JCAD: variants seen among roughly 807,000 people sequenced by gnomAD.
The protein encoded by JCAD is junctional cadherin 5 associated, also known as junctional cadherin 5-associated protein.
JCAD carries 40 observed loss-of-function variants against 98.0 expected under a neutral mutation model. That is an observed-to-expected ratio of 0.41 (90% CI 0.32 to 0.53). The LOEUF (loss-of-function observed/expected upper bound fraction) is 0.53, where lower values mean the gene tolerates loss of function less well. Among genes scored for constraint, JCAD ranks in the 20% least tolerant of loss-of-function variants. The pLI is 0.31. For missense variants in JCAD, 1,705 were observed against 1,738.1 expected (o/e 0.98, Z 0.34); for synonymous variants, 691 against 682.3 (o/e 1.01, Z -0.20).
At chr10:30,086,113 A>T (rs1471256633) in intron 1 of JCAD, among the ~76,000 whole-genome samples, 2 of 152,086 alleles carry the variant, frequency 1.3e-5, no homozygotes, top group Non-Finnish European at 2.9e-5. Flanking sequence ...TTAAAATTAA[A>T]TTTAAAACAA....
At chr10:30,064,762 C>G (rs765701479) in intron 2 of JCAD, among the ~76,000 whole-genome samples, 1 of 152,032 alleles carries the variant, frequency 6.6e-6, no homozygotes, top group Non-Finnish European at 1.5e-5. Flanking sequence ...ACCTCCACCT[C>G]CCAGGTTCAA....
At chr10:30,076,219 G>A (rs1427440021) in intron 1 of JCAD, among the ~76,000 whole-genome samples, 1 of 151,946 alleles carries the variant, frequency 6.6e-6, no homozygotes, top group Non-Finnish European at 1.5e-5. Context: ...TAGAGGCATG[G>A]TTTCATCATG....
intron 1 of JCAD, among the ~76,000 whole-genome samples, chr10:30,073,669 C>G (rs796240733): frequency 9.3e-6 from 1 of 107,132 alleles, no homozygotes. Context: ...TTCCTTCCTT[C>G]CTTCCTTCCT....
At chr10:30,025,432 C>T (rs925264795) in intron 3 of JCAD, among the ~76,000 whole-genome samples, 4 of 151,348 alleles carry the variant, frequency 2.6e-5, no homozygotes, top group Admixed American at 6.6e-5. Flanking sequence ...GTAGGAGAAT[C>T]GCTTGCACCC....
intron 1 of JCAD, among the ~76,000 whole-genome samples, chr10:30,055,994 TCA>T (rs1837564331): frequency 6.6e-6 from 1 of 152,200 alleles, no homozygotes. Context: ...AAATTCTGTG[TCA>T]CACAATTATT....
chr10:30,053,684 C>T (rs1837513505), intron 1 of JCAD, among the ~76,000 whole-genome samples: 1 of 151,614 alleles, frequency 6.6e-6, no homozygotes, highest in African/African-American at 2.4e-5. Context: ...ATCAGAGATA[C>T]ACACTGTTTT....
intron 1 of JCAD, among the ~76,000 whole-genome samples, chr10:30,096,814 G>C (rs1018394474): frequency 2.6e-5 from 4 of 152,108 alleles, no homozygotes; most frequent in Middle Eastern, 3.2e-3. Flanking sequence ...GGTGAATCCA[G>C]CAAGAGCTCA....
chr10:30,028,387 C>T lies in JCAD; in HGVS notation c.1761G>A (p.Val587=). 1 of 1,614,218 alleles carries T rather than the reference C, an allele frequency of 6.2e-7. No homozygotes were observed. Among genetic ancestry groups the T allele is most frequent in the East Asian group, 2.2e-5 (1 of 44,892 alleles). Residue 587 remains valine (V), a synonymous_variant, in exon 3 of 4, where the codon GTG becomes GTA. Coordinates refer to ENST00000375377, the MANE Select transcript of JCAD (RefSeq NM_020848.4). ...TATCTGGCAGATGTGATTCTGATTT[C>T]ACTGGGATAGAAACCAAGCAAAATA... The part of the protein sequence containing the change: ...ETIFCLVSIP[V]KSESHLPDRD...
At chr10:30,102,030 TA>T (rs1838479984) in intron 1 of JCAD, among the ~76,000 whole-genome samples, 1 of 152,174 alleles carries the variant, frequency 6.6e-6, no homozygotes, top group African/African-American at 2.4e-5. Flanking sequence ...GCTAGTACTC[TA>T]CCCTTCAGAC....
chr10:30,105,469 A>T (rs190258549), intron 1 of JCAD, among the ~76,000 whole-genome samples: 63 of 151,124 alleles, frequency 4.2e-4, no homozygotes, highest in African/African-American at 1.4e-3. Flanking sequence ...GATTACAGAC[A>T]CGTGCCACCA....
chr10:30,076,787 G>A (rs2132677269), intron 1 of JCAD, among the ~76,000 whole-genome samples: 1 of 152,312 alleles, frequency 6.6e-6, no homozygotes, highest in African/African-American at 2.4e-5. Flanking sequence ...CAACATCATA[G>A]GAATGAAAGT....
chr10:30,092,883 G>T lies in JCAD; in HGVS notation n.128+22484C>A, dbSNP rs190899331. Among the ~76,000 whole-genome samples, 4 of 152,210 alleles carry T rather than the reference G, an allele frequency of 2.6e-5. No individual in the cohort carries two copies. The East Asian group carries it at 7.7e-4, about 29-fold the overall frequency. Reference sequence around the variant, plus strand: ...CCAACTCAGGATTCACTGTTTTTCTGCTTGGTACCTCTGGAGGGGTGTTAT... The same window carrying T: ...CCAACTCAGGATTCACTGTTTTTCTTCTTGGTACCTCTGGAGGGGTGTTAT... On this transcript the variant is annotated intron_variant and non_coding_transcript_variant, in intron 1 of 2. Coordinates refer to the JCAD transcript ENST00000465712.
rs912223356 is a variant in JCAD at position 30,012,827 on chromosome 10, A to C, written c.*5056T>G. On this transcript the variant is annotated 3_prime_UTR_variant, in exon 4 of 4. Coordinates refer to ENST00000375377, the MANE Select transcript of JCAD (RefSeq NM_020848.4). ...CTTTCATGCAAAATCTTTATTTGGA[A>C]CATGTATGTTACTGAGCAGGCCAGC... The C allele has an allele frequency of 1.3e-5, 2 of 152,306 alleles. No homozygotes were observed. The highest frequency in any genetic ancestry group is 4.8e-5 in the African/African-American group (2 of 41,468). The allele number at this position is 152,306 out of a possible 1,614,324, so 9.4% of individuals were successfully genotyped here.
intron 1 of JCAD, among the ~76,000 whole-genome samples, chr10:30,050,052 G>A (rs986505489): frequency 2.0e-5 from 3 of 151,930 alleles, no homozygotes; most frequent in Non-Finnish European, 4.4e-5. Flanking sequence ...ACAGTGGCTC[G>A]CACCTATAAT....
intron 3 of JCAD, among the ~76,000 whole-genome samples, chr10:30,022,256 G>A (rs1730293499): frequency 6.6e-6 from 1 of 152,178 alleles, no homozygotes; most frequent in South Asian, 2.1e-4. Context: ...GGGTGTGTGT[G>A]TAGGGTGGGG....
intron 1 of JCAD, among the ~76,000 whole-genome samples, chr10:30,105,453 A>C (rs886496290): frequency 6.7e-6 from 1 of 150,364 alleles, no homozygotes; most frequent in African/African-American, 2.5e-5. Context: ...CCTCCCGAGT[A>C]GCTGGGATTA....
At chr10:30,109,215 G>A (rs1449489227) in intron 1 of JCAD, among the ~76,000 whole-genome samples, 1 of 152,180 alleles carries the variant, frequency 6.6e-6, no homozygotes, top group African/African-American at 2.4e-5. Context: ...TGGCCTTGAT[G>A]GGACAAAGAA....
intron 2 of JCAD, among the ~76,000 whole-genome samples, chr10:30,036,487 T>C (rs1837114618): frequency 6.6e-6 from 1 of 151,392 alleles, no homozygotes; most frequent in African/African-American, 2.4e-5. Context: ...ACATTTGGAA[T>C]GCCTGTAACC....
At chr10:30,080,062 A>G (rs1838055393) in intron 1 of JCAD, among the ~76,000 whole-genome samples, 1 of 152,228 alleles carries the variant, frequency 6.6e-6, no homozygotes, top group Middle Eastern at 3.2e-3. Flanking sequence ...TGAGTAGTTT[A>G]GATATTTCCT....
Sources: gnomAD v4.1 joint callset for allele counts (sites outside exome capture counted in the v4.1 genomes callset) on GRCh38, gnomAD v4.1.1 for gene constraint, MANE v1.5 for transcripts, NCBI Gene and HGNC (gene_info 2026-07-23, HGNC 2026-07-21) for gene names.